Variants in CDKAL1 observed in about 807,000 individuals in gnomAD.
CDKAL1 encodes threonylcarbamoyladenosine tRNA methylthiotransferase.
CDKAL1 carries 32 observed loss-of-function variants against 68.2 expected under a neutral mutation model. The observed-to-expected ratio is 0.47, with a 90% CI of 0.35 to 0.63. The LOEUF (loss-of-function observed/expected upper bound fraction) is 0.63. CDKAL1 is among the 30% of genes least tolerant of loss of function. CDKAL1 has a pLI of 0.00. For synonymous variants in CDKAL1, 234 were observed against 244.3 expected (o/e 0.96, Z 0.39); for missense variants, 606 against 696.7 (o/e 0.87, Z 1.47).
intron 10 of CDKAL1, among the ~76,000 whole-genome samples, chr6:20,980,079 A>G (rs1766038737): frequency 6.6e-6 from 1 of 151,678 alleles, no homozygotes; most frequent in South Asian, 2.1e-4. Flanking sequence ...CCAATTCAAT[A>G]TATTTATAAG....
chr6:20,562,788 C>T (rs9368202), intron 4 of CDKAL1, among the ~76,000 whole-genome samples: 35,635 of 151,926 alleles, frequency 0.23, 5,072 homozygotes, highest in East Asian at 0.53. Flanking sequence ...CAATCTTTCC[C>T]GGCAAATCAT....
intron 10 of CDKAL1, among the ~76,000 whole-genome samples, chr6:20,959,228 T>A (rs1380284465): frequency 6.6e-6 from 1 of 152,134 alleles, no homozygotes; most frequent in Non-Finnish European, 1.5e-5. Context: ...ATTTTTAGTA[T>A]CACTGCCCTT....
chr6:21,022,425 A>G (rs1388338945), intron 11 of CDKAL1, among the ~76,000 whole-genome samples: 1 of 152,224 alleles, frequency 6.6e-6, no homozygotes, highest in Non-Finnish European at 1.5e-5. Flanking sequence ...AGATGTAATC[A>G]GTTTCAGTTA....
At chr6:21,020,765 C>A (rs892914943) in intron 11 of CDKAL1, among the ~76,000 whole-genome samples, 12 of 146,594 alleles carry the variant, frequency 8.2e-5, no homozygotes, top group African/African-American at 2.5e-4. Flanking sequence ...CCGTGCCTGG[C>A]CTTTTTTCCT....
intron 8 of CDKAL1, among the ~76,000 whole-genome samples, chr6:20,842,364 C>T (rs1778206623): frequency 6.6e-6 from 1 of 151,788 alleles, no homozygotes; most frequent in Non-Finnish European, 1.5e-5. Flanking sequence ...ACTCTTGTAC[C>T]CTATAAATAT....
intron 4 of CDKAL1, among the ~76,000 whole-genome samples, chr6:20,566,627 G>C (rs994443944): frequency 3.9e-5 from 6 of 152,152 alleles, no homozygotes; most frequent in Middle Eastern, 3.4e-3. Flanking sequence ...AACATCTTTT[G>C]ATTTTTTTTC....
chr6:21,039,026 A>C (rs1769760597), intron 11 of CDKAL1, among the ~76,000 whole-genome samples: 2 of 152,102 alleles, frequency 1.3e-5, no homozygotes, highest in Admixed American at 6.6e-5. Flanking sequence ...CTGCCTGCAC[A>C]TTTATTGTGT....
intron 6 of CDKAL1, among the ~76,000 whole-genome samples, chr6:20,740,334 G>A (rs1039775548): frequency 7.2e-5 from 11 of 151,864 alleles, no homozygotes; most frequent in African/African-American, 2.7e-4. Flanking sequence ...TTTTTTGGGG[G>A]GCGTGGGCAG....
At chr6:20,636,071 A>G (rs1360164522) in intron 4 of CDKAL1, among the ~76,000 whole-genome samples, 2 of 152,130 alleles carry the variant, frequency 1.3e-5, no homozygotes, top group African/African-American at 4.8e-5. Flanking sequence ...TAGGGAGGGC[A>G]TGTCTCAGAT....
At chr6:20,628,817 A>G (rs1005653251) in intron 4 of CDKAL1, among the ~76,000 whole-genome samples, 2 of 152,202 alleles carry the variant, frequency 1.3e-5, no homozygotes, top group African/African-American at 2.4e-5. Context: ...CAAAAAGAAG[A>G]AAAAATTACA....
chr6:20,583,683 C>T (rs185713339), intron 4 of CDKAL1, among the ~76,000 whole-genome samples: 29 of 151,494 alleles, frequency 1.9e-4, no homozygotes, highest in African/African-American at 7.0e-4. Context: ...AATGGAAATG[C>T]TAAGAGTCTT....
At chr6:20,999,684 A>AG (rs1554158224) in intron 10 of CDKAL1, among the ~76,000 whole-genome samples, 4 of 144,372 alleles carry the variant, frequency 2.8e-5, no homozygotes, top group African/African-American at 1.1e-4. Context: ...AAAAAAAAAA[A>AG]AAAGAAAGAA....
At chr6:20,625,579 A>G (rs1191146860) in intron 4 of CDKAL1, among the ~76,000 whole-genome samples, 2 of 152,144 alleles carry the variant, frequency 1.3e-5, no homozygotes, top group East Asian at 1.9e-4. Flanking sequence ...AAGTCAACAT[A>G]TGCTATACGG....
chr6:21,037,665 T>C (rs1190232409), intron 11 of CDKAL1, among the ~76,000 whole-genome samples: 1 of 152,192 alleles, frequency 6.6e-6, no homozygotes, highest in Non-Finnish European at 1.5e-5. Flanking sequence ...TAATTTTATT[T>C]GCTTTCAGTT....
chr6:21,161,825 A>G (rs1057077353), intron 13 of CDKAL1, among the ~76,000 whole-genome samples: 1 of 152,194 alleles, frequency 6.6e-6, no homozygotes, highest in Non-Finnish European at 1.5e-5. Context: ...TGAGTTTCAG[A>G]TTTTAAATCT....
At chr6:20,972,277 G>A (rs1765637326) in intron 10 of CDKAL1, among the ~76,000 whole-genome samples, 1 of 152,212 alleles carries the variant, frequency 6.6e-6, no homozygotes, top group Non-Finnish European at 1.5e-5. Flanking sequence ...TGGTGGCCCT[G>A]TAGAAGGACT....
chr6:20,550,125 T>C (rs138584804), intron 4 of CDKAL1, among the ~76,000 whole-genome samples: 1,730 of 152,172 alleles, frequency 0.011, 35 homozygotes, highest in African/African-American at 0.039. Context: ...ATTACAGGCA[T>C]GCGCCACCAC....
At chr6:21,060,494 C>G (rs897766020) in intron 11 of CDKAL1, among the ~76,000 whole-genome samples, 1 of 152,076 alleles carries the variant, frequency 6.6e-6, no homozygotes, top group Non-Finnish European at 1.5e-5. Context: ...GTACTTTTTA[C>G]TTTTATTGAT....
At chr6:20,888,777 A>G (rs886695862) in intron 9 of CDKAL1, among the ~76,000 whole-genome samples, 1 of 151,886 alleles carries the variant, frequency 6.6e-6, no homozygotes, top group Non-Finnish European at 1.5e-5. Flanking sequence ...TCGTTGTTGG[A>G]CGTTTGGGTT....
Sources: gnomAD v4.1 joint callset for allele counts (sites outside exome capture counted in the v4.1 genomes callset) on GRCh38, gnomAD v4.1.1 for gene constraint, MANE v1.5 for transcripts, NCBI Gene and HGNC (gene_info 2026-07-23, HGNC 2026-07-21) for gene names.